NRG3: variants seen among roughly 807,000 people sequenced by gnomAD.
NRG3 encodes pro-neuregulin-3, membrane-bound isoform.
In NRG3, 31 loss-of-function variants were observed where a neutral mutation model predicts 66.9. That is an observed-to-expected ratio of 0.46 (90% confidence interval 0.35 to 0.63). The LOEUF (loss-of-function observed/expected upper bound fraction) is 0.63, where lower values mean the gene tolerates loss of function less well. Among genes scored for constraint, NRG3 ranks in the 20% least tolerant of loss-of-function variants. NRG3 has a pLI of 0.00. For missense variants in NRG3, 910 were observed against 878.9 expected (o/e 1.04, Z -0.45); for synonymous variants, 393 against 359.4 (o/e 1.09, Z -1.06).
intron 4 of NRG3, among the ~76,000 whole-genome samples, chr10:82,881,128 G>C (rs1321693497): frequency 6.6e-6 from 1 of 152,198 alleles, no homozygotes; most frequent in Non-Finnish European, 1.5e-5. Flanking sequence ...CAGCAACTAT[G>C]GTTGTTTAAC....
At chr10:82,898,427 C>T (rs1342359520) in intron 4 of NRG3, among the ~76,000 whole-genome samples, 2 of 152,154 alleles carry the variant, frequency 1.3e-5, no homozygotes, top group East Asian at 1.9e-4. Context: ...GCTCCCTACC[C>T]AGATGGTCTT....
chr10:82,917,506 T>C (rs1039839308), intron 4 of NRG3, among the ~76,000 whole-genome samples: 4 of 152,198 alleles, frequency 2.6e-5, no homozygotes, highest in African/African-American at 9.6e-5. Flanking sequence ...AGTTAACCTG[T>C]AGCAGGTGGC....
chr10:82,214,541 T>G (rs1297279563), intron 1 of NRG3, among the ~76,000 whole-genome samples: 39 of 152,324 alleles, frequency 2.6e-4, no homozygotes, highest in Non-Finnish European at 2.9e-5. Context: ...CATAGCTCAT[T>G]GTAGTCTCAA....
intron 2 of NRG3, among the ~76,000 whole-genome samples, chr10:82,561,522 A>G (rs2045042834): frequency 6.6e-6 from 1 of 152,128 alleles, no homozygotes; most frequent in Non-Finnish European, 1.5e-5. Context: ...GCATTGTGGT[A>G]GACACCTGTG....
chr10:82,638,950 T>C (rs1051787877), intron 2 of NRG3, among the ~76,000 whole-genome samples: 3 of 151,412 alleles, frequency 2.0e-5, no homozygotes, highest in African/African-American at 7.3e-5. Flanking sequence ...CGGCCACATA[T>C]TTTTTTTTAA....
intron 2 of NRG3, among the ~76,000 whole-genome samples, chr10:82,592,507 C>T (rs763822453): frequency 2.0e-5 from 3 of 152,090 alleles, no homozygotes; most frequent in Non-Finnish European, 4.4e-5. Context: ...ATGCATTTTT[C>T]GTGGGTAGCT....
intron 2 of NRG3, among the ~76,000 whole-genome samples, chr10:82,623,945 C>G (rs2049226596): frequency 6.6e-6 from 1 of 152,104 alleles, no homozygotes; most frequent in African/African-American, 2.4e-5. Flanking sequence ...GTTGCCAGAT[C>G]AACACTTTCA....
chr10:82,232,310 G>T (rs921499573), intron 1 of NRG3: 8 of 156,822 alleles, frequency 5.1e-5, no homozygotes, highest in Admixed American at 5.1e-4. Context: ...AATCCAGCCT[G>T]TTTTAACATG....
chr10:82,222,294 T>C (rs1474126174), intron 1 of NRG3, among the ~76,000 whole-genome samples: 2 of 152,058 alleles, frequency 1.3e-5, no homozygotes, highest in African/African-American at 4.8e-5. Context: ...GTGTGAGTAA[T>C]AGAATAGAAC....
Position 82,781,762 on chromosome 10 carries a change from C to T in NRG3, c.1027+43112C>T, listed in dbSNP as rs117390737. ...AAGTATGTGGTGGGGTCAGGGAAGG[C>T]ATCTTCTTACTCCTGTTTCCTGAAG... On this transcript the variant is annotated intron_variant, in intron 3 of 8. Coordinates refer to ENST00000372141, the MANE Select transcript of NRG3 (RefSeq NM_001010848.4). Among the ~76,000 whole-genome samples the T allele has an allele frequency of 4.8e-3, 730 of 152,154 alleles. 10 individuals carry two copies. The highest frequency in any genetic ancestry group is 0.011 in the South Asian group (53 of 4,818).
At position 82,369,915 on chromosome 10, in the gene NRG3, G is replaced by A. The variant is rs1262228906; in HGVS notation, c.953+11047G>A. Among the ~76,000 whole-genome samples the A allele has an allele frequency of 5.1e-5, 7 of 138,058 alleles. 2 individuals are homozygous for A. Among genetic ancestry groups the A allele is most frequent in the African/African-American group, 2.4e-4 (7 of 29,616 alleles). The allele number at this position is 138,058 out of a possible 152,430, so 90.6% of individuals were successfully genotyped here. A position where few individuals can be genotyped will look rare whatever the true frequency, so the allele number is the denominator to read the frequency against. ...GAGAGTTCCCTGACATATGACAGGGGTGTGGCTCACCTGTTTTTGGTCGTC... is the reference window on the plus strand; with the variant it reads ...GAGAGTTCCCTGACATATGACAGGGATGTGGCTCACCTGTTTTTGGTCGTC... On this transcript the variant is annotated intron_variant, in intron 2 of 8. Transcript: ENST00000372141.
intron 1 of NRG3, among the ~76,000 whole-genome samples, chr10:82,236,201 A>G (rs904980026): frequency 6.6e-6 from 1 of 152,224 alleles, no homozygotes; most frequent in African/African-American, 2.4e-5. Flanking sequence ...TCATCTTTTA[A>G]ATGTAGCTAA....
At chr10:82,072,799 C>T (rs1546964) in intron 1 of NRG3, among the ~76,000 whole-genome samples, 63,068 of 151,480 alleles carry the variant, frequency 0.42, 14,800 homozygotes, top group South Asian at 0.56. Flanking sequence ...CAGGGTCTTG[C>T]TCCATGGCCC....
At chr10:82,053,101 T>C (rs1300088824) in intron 1 of NRG3, among the ~76,000 whole-genome samples, 4 of 152,084 alleles carry the variant, frequency 2.6e-5, no homozygotes, top group African/African-American at 9.7e-5. Context: ...ACATTTTCTT[T>C]GCTCCCATGT....
At chr10:82,538,421 C>G (rs990481912) in intron 2 of NRG3, among the ~76,000 whole-genome samples, 14 of 152,120 alleles carry the variant, frequency 9.2e-5, no homozygotes. Flanking sequence ...CAAAACAAAA[C>G]AGCAACTCAG....
chr10:82,445,185 T>C (rs2090649666), intron 2 of NRG3, among the ~76,000 whole-genome samples: 1 of 152,046 alleles, frequency 6.6e-6, no homozygotes, highest in African/African-American at 2.4e-5. Flanking sequence ...ATGACATAGT[T>C]AAATCCCATT....
At chr10:82,754,870 G>A (rs749292792) in intron 3 of NRG3, among the ~76,000 whole-genome samples, 1 of 152,088 alleles carries the variant, frequency 6.6e-6, no homozygotes, top group Admixed American at 6.6e-5. Flanking sequence ...TTACTAATAT[G>A]TAAGGAGCAT....
At chr10:82,686,895 GAT>G (rs2054559821) in intron 2 of NRG3, among the ~76,000 whole-genome samples, 1 of 152,160 alleles carries the variant, frequency 6.6e-6, no homozygotes, top group African/African-American at 2.4e-5. Context: ...TGAAGAGAAC[GAT>G]AACAGAACTT....
At chr10:82,559,482 A>G (rs2044881695) in intron 2 of NRG3, among the ~76,000 whole-genome samples, 1 of 152,168 alleles carries the variant, frequency 6.6e-6, no homozygotes, top group Non-Finnish European at 1.5e-5. Flanking sequence ...CTCTATTATG[A>G]GCCATGCTGT....
Sources: allele counts gnomAD v4.1 joint callset (sites outside exome capture counted in the v4.1 genomes callset), GRCh38; gene constraint gnomAD v4.1.1; transcripts MANE v1.5; gene names NCBI Gene and HGNC (gene_info 2026-07-23, HGNC 2026-07-21).